THRB: variants seen among roughly 807,000 people sequenced by gnomAD.
THRB encodes thyroid hormone receptor beta, also known as nuclear receptor subfamily 1 group A member 2.
In THRB, 12 loss-of-function variants were observed where a neutral mutation model predicts 47.8. That is an observed-to-expected ratio of 0.25 (90% CI 0.16 to 0.41). The LOEUF (loss-of-function observed/expected upper bound fraction) is 0.41. Among genes scored for constraint, THRB ranks in the 10% least tolerant of loss-of-function variants. The pLI, the probability that THRB is intolerant of heterozygous loss-of-function variation, is 1.00. For missense variants in THRB, 348 were observed against 589.2 expected, an observed-to-expected ratio of 0.59 and a Z score of 4.24; for synonymous variants, 218 against 212.2, an observed-to-expected ratio of 1.03 and a Z score of -0.24.
chr3:24,170,932 A>G (rs9867719), intron 5 of THRB, among the ~76,000 whole-genome samples: 149 of 152,248 alleles, frequency 9.8e-4, no homozygotes, highest in African/African-American at 3.5e-3. Flanking sequence ...TCTGGGAGAT[A>G]TCTGTCTGTC....
chr3:24,172,657 T>A (rs2040583365), intron 5 of THRB, among the ~76,000 whole-genome samples: 1 of 152,100 alleles, frequency 6.6e-6, no homozygotes, highest in Non-Finnish European at 1.5e-5. Context: ...TGGATTCTGA[T>A]CTGGTGCAGT....
At chr3:24,339,917 C>T (rs1383155407) in intron 1 of THRB, among the ~76,000 whole-genome samples, 1 of 152,160 alleles carries the variant, frequency 6.6e-6, no homozygotes, top group Non-Finnish European at 1.5e-5. Flanking sequence ...AATTGGAGCA[C>T]AAATATATTA....
chr3:24,321,217 A>G (rs1394766), intron 2 of THRB, among the ~76,000 whole-genome samples: 70,703 of 152,030 alleles, frequency 0.47, 17,822 homozygotes, highest in East Asian at 0.65. Context: ...TTGTGTTACT[A>G]TAATGACCTA....
In THRB at chr3:24,205,708, A is replaced by G. The variant is rs540561297; in HGVS notation, c.23-15374T>C. On this transcript the variant is annotated intron_variant, in intron 4 of 10. Coordinates refer to ENST00000646209, the MANE Select transcript of THRB (RefSeq NM_001354712.2). ...CCAATTAAAAGACACAGACTGGCAA[A>G]TTGGATAAAGAGTCAAGACCCATCA... 3.3e-5 allele frequency among the ~76,000 whole-genome samples: 5 copies of G among 152,322 alleles called. No individual in the cohort carries two copies. The South Asian group carries it at 8.3e-4, about 25-fold the overall frequency.
At chr3:24,305,431 A>G (rs564960145) in intron 2 of THRB, among the ~76,000 whole-genome samples, 1 of 152,318 alleles carries the variant, frequency 6.6e-6, no homozygotes, top group Admixed American at 6.5e-5. Flanking sequence ...GACTTCCTCT[A>G]GCAATAGAAG....
At chr3:24,202,494 G>T (rs2044710244) in intron 4 of THRB, among the ~76,000 whole-genome samples, 1 of 152,128 alleles carries the variant, frequency 6.6e-6, no homozygotes, top group Non-Finnish European at 1.5e-5. Flanking sequence ...AAAAAGGTTA[G>T]TATTTATGAC....
intron 9 of THRB, among the ~76,000 whole-genome samples, chr3:24,129,225 G>A (rs1174538052): frequency 6.6e-6 from 1 of 152,042 alleles, no homozygotes; most frequent in African/African-American, 2.4e-5. Flanking sequence ...ACTGTGATTT[G>A]CTTTTGTCTA....
At chr3:24,455,052 T>C (rs765788509) in intron 1 of THRB, 2 of 151,164 alleles carry the variant, frequency 1.3e-5, no homozygotes, top group African/African-American at 2.4e-5. Context: ...ATTCCCTCAG[T>C]AGCCCTTGAC....
At chr3:24,200,982 G>T (rs1006723462) in intron 4 of THRB, among the ~76,000 whole-genome samples, 9 of 152,170 alleles carry the variant, frequency 5.9e-5, no homozygotes, top group African/African-American at 1.7e-4. Context: ...CCCTAGGAGG[G>T]TCTATTTTAG....
At chr3:24,375,580 A>G (rs2065225928) in intron 1 of THRB, among the ~76,000 whole-genome samples, 2 of 149,502 alleles carry the variant, frequency 1.3e-5, no homozygotes, top group African/African-American at 4.9e-5. Flanking sequence ...ATTGATATAC[A>G]GAATAAAAGA....
At chr3:24,458,683 A>C (rs2073413436) in intron 1 of THRB, 1 of 152,186 alleles carries the variant, frequency 6.6e-6, no homozygotes, top group Non-Finnish European at 1.5e-5. Context: ...GAAGGAAAGA[A>C]TGTTCCTCCA....
chr3:24,167,105 T>C (rs2039746344), intron 5 of THRB, among the ~76,000 whole-genome samples: 1 of 152,084 alleles, frequency 6.6e-6, no homozygotes, highest in African/African-American at 2.4e-5. Flanking sequence ...TTTTTATAAA[T>C]GTAGTAAAGG....
At chr3:24,221,222 T>C (rs1354618125) in intron 4 of THRB, among the ~76,000 whole-genome samples, 1 of 152,196 alleles carries the variant, frequency 6.6e-6, no homozygotes, top group Non-Finnish European at 1.5e-5. Flanking sequence ...GCAAACAAAA[T>C]AACACCATAT....
At chr3:24,141,571 C>T (rs1434950941) in intron 8 of THRB, among the ~76,000 whole-genome samples, 1 of 152,176 alleles carries the variant, frequency 6.6e-6, no homozygotes, top group Non-Finnish European at 1.5e-5. Flanking sequence ...ATGTGCCTGA[C>T]TTATTTACTT....
intron 4 of THRB, among the ~76,000 whole-genome samples, chr3:24,193,596 G>C (rs2043604707): frequency 2.0e-5 from 3 of 152,162 alleles, no homozygotes; most frequent in South Asian, 2.1e-4. Context: ...GTGTTAATTA[G>C]ATATTATCTT....
At position 24,483,394 on chromosome 3, in the gene THRB, A is replaced by G. The variant is rs185069709; in HGVS notation, c.-261+11258T>C. On this transcript the variant is annotated intron_variant, in intron 1 of 10. Coordinates refer to ENST00000646209, the MANE Select transcript of THRB (RefSeq NM_001354712.2). ...TTTATTTAAATAATCTAAAACTGTT[A>G]TAAAATTATTCCACGAAAAATGGGT... Among the ~76,000 whole-genome samples the G allele has an allele frequency of 2.1e-3, 319 of 152,276 alleles. 2 individuals carry two copies. Among genetic ancestry groups the G allele is most frequent in the Middle Eastern group, 6.8e-3 (2 of 294 alleles).
intron 3 of THRB, among the ~76,000 whole-genome samples, chr3:24,236,833 C>T (rs1024123664): frequency 3.9e-5 from 6 of 152,120 alleles, no homozygotes; most frequent in Admixed American, 1.3e-4. Context: ...TATCCTTCCC[C>T]GAGCCCTTTG....
intron 1 of THRB, among the ~76,000 whole-genome samples, chr3:24,398,867 G>T (rs1157115988): frequency 6.6e-6 from 1 of 152,056 alleles, no homozygotes; most frequent in East Asian, 1.9e-4. Context: ...AGAAAATGTG[G>T]CACATATACA....
chr3:24,133,480 G>C lies in THRB; in HGVS notation c.739-18C>G. On this transcript the variant is annotated intron_variant, in intron 8 of 10. Transcript: ENST00000646209. ...TCTTCTGGCTAAGGAGGAGAAAAAA[G>C]AAAGATTTAAATGAAGAAGTTGAAG... 1.2e-6 allele frequency: 2 copies of C among 1,613,202 alleles called. No individual in the cohort carries two copies. Among genetic ancestry groups the C allele is most frequent in the Non-Finnish European group, 1.7e-6 (2 of 1,179,234 alleles).
Sources: gnomAD v4.1 joint callset for allele counts (sites outside exome capture counted in the v4.1 genomes callset) on GRCh38, gnomAD v4.1.1 for gene constraint, MANE v1.5 for transcripts, NCBI Gene and HGNC (gene_info 2026-07-23, HGNC 2026-07-21) for gene names.